Variants in TRPM3 observed in about 807,000 individuals in gnomAD.
TRPM3 encodes the protein long transient receptor potential channel 3.
In TRPM3, 77 loss-of-function variants were observed where a neutral mutation model predicts 181.2. That is an observed-to-expected ratio of 0.42 (90% CI 0.35 to 0.51). TRPM3 has a LOEUF of 0.51. Among genes scored for constraint, TRPM3 ranks in the 20% least tolerant of loss-of-function variants. The pLI is 0.01. For synonymous variants in TRPM3, 745 were observed against 796.4 expected (o/e 0.94, Z 1.09); for missense variants, 1,759 against 2,196.7 (o/e 0.80, Z 3.98).
chr9:70,693,239 G>C (rs1405379676), intron 8 of TRPM3, among the ~76,000 whole-genome samples: 5 of 152,158 alleles, frequency 3.3e-5, no homozygotes, highest in African/African-American at 7.2e-5. Flanking sequence ...CCTCACTAGA[G>C]GCTAATGTGA....
At chr9:70,825,762 T>A (rs1379067699) in intron 6 of TRPM3, 2 of 152,310 alleles carry the variant, frequency 1.3e-5, no homozygotes, top group African/African-American at 4.8e-5. Context: ...GCTCTCCCAT[T>A]TCTGAAGAAA....
intron 1 of TRPM3, among the ~76,000 whole-genome samples, chr9:70,991,047 T>C (rs1188706700): frequency 2.6e-5 from 4 of 152,212 alleles, no homozygotes; most frequent in Non-Finnish European, 5.9e-5. Flanking sequence ...TTGTAGGCTT[T>C]CTCATCTCTC....
At chr9:71,282,116 A>AAG (rs1328016495) in intron 1 of TRPM3, among the ~76,000 whole-genome samples, 24 of 143,666 alleles carry the variant, frequency 1.7e-4, no homozygotes, top group East Asian at 4.5e-4. Context: ...GAAAGAAAGA[A>AAG]AAAGAAAGAA....
intron 25 of TRPM3, among the ~76,000 whole-genome samples, chr9:70,538,713 C>G (rs1462785341): frequency 6.6e-6 from 1 of 152,122 alleles, no homozygotes; most frequent in Non-Finnish European, 1.5e-5. Context: ...CAGGTGTGAA[C>G]CCTGGAAATT....
chr9:70,587,022 C>G (rs1428828101), intron 22 of TRPM3, among the ~76,000 whole-genome samples: 1 of 151,364 alleles, frequency 6.6e-6, no homozygotes, highest in East Asian at 1.9e-4. Context: ...TTATAGCAAA[C>G]CTTTGTACTA....
intron 1 of TRPM3, among the ~76,000 whole-genome samples, chr9:71,072,222 C>A (rs2062858578): frequency 6.6e-6 from 1 of 152,126 alleles, no homozygotes; most frequent in South Asian, 2.1e-4. Flanking sequence ...TGAGATTTCT[C>A]TATTTGTCAT....
intron 1 of TRPM3, among the ~76,000 whole-genome samples, chr9:70,872,445 A>G (rs757767316): frequency 5.3e-5 from 8 of 151,922 alleles, no homozygotes; most frequent in Non-Finnish European, 1.0e-4. Flanking sequence ...TCATTCCTGT[A>G]CCTGGATAGA....
chr9:70,895,491 A>C (rs1463974890), intron 1 of TRPM3, among the ~76,000 whole-genome samples: 1 of 152,206 alleles, frequency 6.6e-6, no homozygotes, highest in Non-Finnish European at 1.5e-5. Context: ...TGTCTAATAC[A>C]ATGAACCAAT....
chr9:70,678,295 T>C (rs1469793545), intron 9 of TRPM3, among the ~76,000 whole-genome samples: 1 of 152,118 alleles, frequency 6.6e-6, no homozygotes, highest in Non-Finnish European at 1.5e-5. Flanking sequence ...TTGGAGACAG[T>C]CTTGCGCTGT....
chr9:70,832,038 TA>T (rs1174437214), intron 5 of TRPM3, among the ~76,000 whole-genome samples: 1,359 of 106,802 alleles, frequency 0.013, 30 homozygotes, highest in African/African-American at 0.042. Flanking sequence ...AATTAAAAAT[TA>T]AAAAAAAAAA....
intron 1 of TRPM3, among the ~76,000 whole-genome samples, chr9:71,268,461 A>G (rs1481472911): frequency 6.6e-6 from 1 of 152,194 alleles, no homozygotes; most frequent in African/African-American, 2.4e-5. Flanking sequence ...AAATTAAACA[A>G]CTATAGTACT....
intron 18 of TRPM3, 117 bp downstream of exon 18, chr9:70,615,790 TG>T: frequency 2.8e-6 from 3 of 1,063,596 alleles, no homozygotes; most frequent in Non-Finnish European, 4.1e-6. Context: ...TGATTAAACC[TG>T]GTGGAAGGCT....
At chr9:71,387,604 G>A (rs1430959411) in intron 1 of TRPM3, among the ~76,000 whole-genome samples, 2 of 152,070 alleles carry the variant, frequency 1.3e-5, no homozygotes, top group African/African-American at 4.8e-5. Context: ...GAAGAAAAAG[G>A]AAAACTTCTT....
chr9:70,989,401 T>C (rs1383572848), intron 1 of TRPM3, among the ~76,000 whole-genome samples: 1 of 152,196 alleles, frequency 6.6e-6, no homozygotes, highest in Non-Finnish European at 1.5e-5. Flanking sequence ...TCCTCTACAG[T>C]GAAACAACCT....
chr9:71,273,869 C>G (rs2083988873), intron 1 of TRPM3, among the ~76,000 whole-genome samples: 1 of 152,092 alleles, frequency 6.6e-6, no homozygotes, highest in African/African-American at 2.4e-5. Context: ...CACAATCTCT[C>G]AGTTATATTC....
In TRPM3 at chr9:71,274,366, G is replaced by A. The variant is rs1044959420; in HGVS notation, c.183+172287C>T. ...ACTTAAGAGGCTCTGATTTCCTTCA[G>A]AATGGGACAGCTGGATAATACTATT... On this transcript the variant is annotated intron_variant, in intron 1 of 24. Coordinates refer to the TRPM3 transcript ENST00000357533. Among the ~76,000 whole-genome samples the A allele has an allele frequency of 6.6e-5, 10 of 152,290 alleles. No homozygotes were observed. In the East Asian group the frequency reaches 1.5e-3, roughly 24 times the overall value.
intron 1 of TRPM3, among the ~76,000 whole-genome samples, chr9:71,008,570 T>G (rs1444645028): frequency 2.0e-5 from 3 of 152,136 alleles, no homozygotes; most frequent in African/African-American, 7.2e-5. Context: ...TGGCCAGGCG[T>G]GGTGGCTCAT....
intron 1 of TRPM3, among the ~76,000 whole-genome samples, chr9:71,116,594 G>C (rs2072439127): frequency 6.6e-6 from 1 of 152,086 alleles, no homozygotes. Flanking sequence ...ATTAGCACTT[G>C]GGCAGAATTT....
At chr9:71,132,378 C>A (rs2074426292) in intron 1 of TRPM3, among the ~76,000 whole-genome samples, 1 of 152,034 alleles carries the variant, frequency 6.6e-6, no homozygotes, top group African/African-American at 2.4e-5. Flanking sequence ...ATTGACACAG[C>A]AATGTGAATG....
Sources: allele counts gnomAD v4.1 joint callset (sites outside exome capture counted in the v4.1 genomes callset), GRCh38; gene constraint gnomAD v4.1.1; transcripts MANE v1.5; gene names NCBI Gene and HGNC (gene_info 2026-07-23, HGNC 2026-07-21).